The following TMCO5A variants were observed in gnomAD, a reference collection of about 807,000 sequenced individuals.
TMCO5A encodes transmembrane and coiled-coil domains 5A.
In TMCO5A, 34 loss-of-function variants were observed where a neutral mutation model predicts 42.3. The ratio of observed to expected loss-of-function variants is 0.80; its 90% CI spans 0.61 to 1.07. The LOEUF (loss-of-function observed/expected upper bound fraction) is 1.07, where lower values mean the gene tolerates loss of function less well. Ranked by LOEUF, TMCO5A falls within the 50% of genes least tolerant of loss-of-function variation. The pLI is 0.00. For synonymous variants in TMCO5A, 131 were observed against 115.6 expected, an observed-to-expected ratio of 1.13 and a Z score of -0.86; for missense variants, 357 against 327.9, an observed-to-expected ratio of 1.09 and a Z score of -0.69.
chr15:37,957,321 T>G (rs1435643258), intron 11 of TMCO5A, among the ~76,000 whole-genome samples: 1 of 152,224 alleles, frequency 6.6e-6, no homozygotes, highest in Admixed American at 6.5e-5. Flanking sequence ...GCACATGACA[T>G]GATTGTATAT....
chr15:37,983,501 G>T, the TMCO5A span, among the ~76,000 whole-genome samples: 1 of 152,206 alleles, frequency 6.6e-6, no homozygotes, highest in Non-Finnish European at 1.5e-5. Flanking sequence ...GTAGGGGAAA[G>T]TTCACCTACC....
chr15:37,981,764 C>T, the TMCO5A span, among the ~76,000 whole-genome samples: 1 of 152,212 alleles, frequency 6.6e-6, no homozygotes, highest in Non-Finnish European at 1.5e-5. Flanking sequence ...CATGAGGTTA[C>T]AGCCTGACTA....
chr15:37,939,242 A>C (rs1889643932), intron 6 of TMCO5A, among the ~76,000 whole-genome samples: 1 of 145,714 alleles, frequency 6.9e-6, no homozygotes, highest in South Asian at 2.1e-4. Context: ...AGAAAATAGA[A>C]ATAGAAAATG....
At chr15:37,948,031 T>C (rs1028768807) in intron 11 of TMCO5A, among the ~76,000 whole-genome samples, 1 of 152,130 alleles carries the variant, frequency 6.6e-6, no homozygotes, top group Non-Finnish European at 1.5e-5. Flanking sequence ...TAGCTTGATG[T>C]ATCTGGTTTC....
chr15:38,010,149 G>A, the TMCO5A span, among the ~76,000 whole-genome samples: 1 of 151,890 alleles, frequency 6.6e-6, no homozygotes, highest in Non-Finnish European at 1.5e-5. Context: ...CGAGGCGGGC[G>A]GATCACGAGG....
At chr15:37,983,719 G>GT in the TMCO5A span, among the ~76,000 whole-genome samples, 19,907 of 138,800 alleles carry the variant, frequency 0.14, 2,331 homozygotes, top group African/African-American at 0.34. Flanking sequence ...TCTTTTTACT[G>GT]TTTTTTTTTT....
At chr15:37,981,638 C>T in the TMCO5A span, among the ~76,000 whole-genome samples, 8 of 152,278 alleles carry the variant, frequency 5.3e-5, no homozygotes, top group South Asian at 1.5e-3. Flanking sequence ...GGAAACATGG[C>T]AGGACCCTGT....
chr15:37,967,054 A>G (rs1443203673), exon 12 of TMCO5A: 1 of 184,082 alleles, frequency 5.4e-6, no homozygotes, highest in Non-Finnish European at 1.1e-5. Context: ...TTCTAAAGAT[A>G]GTAGATTAAG....
intron 11 of TMCO5A, among the ~76,000 whole-genome samples, chr15:37,959,070 A>G (rs1890360379): frequency 6.6e-6 from 1 of 151,882 alleles, no homozygotes; most frequent in African/African-American, 2.4e-5. Context: ...GTTGAACAAG[A>G]GAACACATGG....
chr15:37,963,881 G>A (rs774035858), intron 11 of TMCO5A, among the ~76,000 whole-genome samples: 3 of 152,012 alleles, frequency 2.0e-5, no homozygotes, highest in Non-Finnish European at 4.4e-5. Context: ...CCTCTTCCTT[G>A]AATATTTCTC....
At chr15:37,953,147 T>G (rs1890202357), downstream of TMCO5A, among the ~76,000 whole-genome samples, 1 of 152,148 alleles carries the variant, frequency 6.6e-6, no homozygotes, top group Admixed American at 6.6e-5. Context: ...CTCACCACCC[T>G]GAAGGGAAGG....
chr15:37,947,075 T>C (rs116641297), intron 10 of TMCO5A, among the ~76,000 whole-genome samples: 2,493 of 152,246 alleles, frequency 0.016, 78 homozygotes, highest in African/African-American at 0.057. Context: ...GATGTTGAAT[T>C]TTATCAGAGG....
chr15:37,937,435 C>A, intron 5 of TMCO5A, 39 bp downstream of exon 5: 1 of 1,607,508 alleles, frequency 6.2e-7, no homozygotes, highest in East Asian at 2.2e-5. Context: ...GCCCCCACAA[C>A]AGCCCCATTC....
chr15:37,963,355 T>C (rs150910871), intron 11 of TMCO5A, among the ~76,000 whole-genome samples: 3,023 of 152,274 alleles, frequency 0.02, 104 homozygotes, highest in African/African-American at 0.069. Flanking sequence ...TGTATTTGCA[T>C]GGTTTTGAAG....
chr15:38,011,402 A>G, the TMCO5A span, among the ~76,000 whole-genome samples: 2 of 152,158 alleles, frequency 1.3e-5, no homozygotes, highest in African/African-American at 4.8e-5. Flanking sequence ...TGATCGAGAG[A>G]GAGAGAGTGT....
the TMCO5A span, among the ~76,000 whole-genome samples, chr15:37,984,606 G>C: frequency 6.6e-6 from 1 of 151,118 alleles, no homozygotes; most frequent in East Asian, 1.9e-4. Context: ...CTATCACCAA[G>C]GCAATGGAGT....
At chr15:38,008,446 T>C in the TMCO5A span, among the ~76,000 whole-genome samples, 1 of 152,188 alleles carries the variant, frequency 6.6e-6, no homozygotes, top group African/African-American at 2.4e-5. Flanking sequence ...AACACTTTTT[T>C]CTATGAAGCA....
At chr15:38,001,423 A>G in the TMCO5A span, among the ~76,000 whole-genome samples, 4 of 145,646 alleles carry the variant, frequency 2.7e-5, no homozygotes, top group Non-Finnish European at 6.0e-5. Context: ...TAGGCAATAG[A>G]TCATTGGATC....
At chr15:37,958,749 C>T (rs1890351835) in intron 11 of TMCO5A, among the ~76,000 whole-genome samples, 1 of 152,046 alleles carries the variant, frequency 6.6e-6, no homozygotes, top group African/African-American at 2.4e-5. Flanking sequence ...TACCATTTTA[C>T]CCAGCAATTC....
Sources: allele counts gnomAD v4.1 joint callset (sites outside exome capture counted in the v4.1 genomes callset), GRCh38; gene constraint gnomAD v4.1.1; transcripts MANE v1.5; gene names NCBI Gene and HGNC (gene_info 2026-07-23, HGNC 2026-07-21).